Variants in MIR2052HG observed in about 807,000 individuals in gnomAD.
The protein encoded by MIR2052HG is MIR2052 host gene.
At chr8:74,616,752 A>C (rs1563513501) in intron 2 of MIR2052HG, among the ~76,000 whole-genome samples, 1 of 152,116 alleles carries the variant, frequency 6.6e-6, no homozygotes, top group Non-Finnish European at 1.5e-5. Flanking sequence ...ACTCTGTCTT[A>C]AACCTACCTG....
chr8:74,664,142 G>A (rs1398361996), intron 2 of MIR2052HG, among the ~76,000 whole-genome samples: 1 of 146,216 alleles, frequency 6.8e-6, no homozygotes, highest in African/African-American at 2.5e-5. Flanking sequence ...TGGGAAGGCG[G>A]TGTGTGATAA....
intron 2 of MIR2052HG, among the ~76,000 whole-genome samples, chr8:74,647,810 A>G (rs1376445673): frequency 6.6e-6 from 1 of 152,202 alleles, no homozygotes; most frequent in Non-Finnish European, 1.5e-5. Context: ...GCCTGTCTTT[A>G]CTGCAATCTC....
At chr8:74,690,016 A>G (rs1468934280) in intron 2 of MIR2052HG, among the ~76,000 whole-genome samples, 1 of 152,224 alleles carries the variant, frequency 6.6e-6, no homozygotes, top group Non-Finnish European at 1.5e-5. Context: ...AATGAAGAAG[A>G]GCACCAGAAA....
chr8:74,607,481 G>A (rs1237274948), intron 1 of MIR2052HG, among the ~76,000 whole-genome samples: 3 of 151,980 alleles, frequency 2.0e-5, no homozygotes, highest in Admixed American at 6.6e-5. Context: ...GCGTGGTGGT[G>A]GGTGCCTGTA....
intron 5 of MIR2052HG, among the ~76,000 whole-genome samples, chr8:74,754,487 A>G (rs1809979379): frequency 6.6e-6 from 1 of 152,200 alleles, no homozygotes; most frequent in African/African-American, 2.4e-5. Flanking sequence ...ACTTGGAGCT[A>G]TGAGTGTAGA....
At chr8:74,600,171 C>T (rs1290449686) in intron 1 of MIR2052HG, among the ~76,000 whole-genome samples, 1 of 152,182 alleles carries the variant, frequency 6.6e-6, no homozygotes, top group Non-Finnish European at 1.5e-5. Flanking sequence ...GTTGGAAATG[C>T]AGAAATCACC....
intron 2 of MIR2052HG, among the ~76,000 whole-genome samples, chr8:74,649,559 A>G (rs1039022247): frequency 1.3e-5 from 2 of 152,244 alleles, no homozygotes; most frequent in Admixed American, 1.3e-4. Context: ...ATAAAAGTTT[A>G]TTGTTCTTAG....
intron 4 of MIR2052HG, among the ~76,000 whole-genome samples, chr8:74,708,452 A>G (rs1287352338): frequency 6.6e-6 from 1 of 152,096 alleles, no homozygotes; most frequent in African/African-American, 2.4e-5. Flanking sequence ...TTGGAAGAAG[A>G]TGGGGCTTCT....
Position 74,704,247 on chromosome 8 carries a change from A to G in MIR2052HG, n.371+565A>G, listed in dbSNP as rs955537636. ...TAAGAGACAAATATTTTCTTTCTAT[A>G]CTTCTTGGCAATGAGAGCATTGGCA... On this transcript the variant is annotated intron_variant and non_coding_transcript_variant, in intron 4 of 6. Transcript: ENST00000523442. 3.3e-5 allele frequency among the ~76,000 whole-genome samples: 5 copies of G among 151,924 alleles called. No individual in the cohort carries two copies. The South Asian group carries it at 1.0e-3, about 32-fold the overall frequency.
At chr8:74,734,437 G>GA (rs1809726483) in intron 4 of MIR2052HG, among the ~76,000 whole-genome samples, 1 of 152,188 alleles carries the variant, frequency 6.6e-6, no homozygotes. Flanking sequence ...TGAGGAGGCT[G>GA]TAATATCCAC....
intron 2 of MIR2052HG, among the ~76,000 whole-genome samples, chr8:74,631,701 T>C (rs1377212348): frequency 1.3e-5 from 2 of 152,204 alleles, no homozygotes; most frequent in Non-Finnish European, 2.9e-5. Context: ...GGGTAATTTA[T>C]CAATGACAGA....
At chr8:74,637,035 A>T (rs957147149) in intron 2 of MIR2052HG, among the ~76,000 whole-genome samples, 1 of 152,158 alleles carries the variant, frequency 6.6e-6, no homozygotes, top group Non-Finnish European at 1.5e-5. Context: ...GCACATCAAA[A>T]GCAAATATAA....
At chr8:74,697,643 T>G (rs1212089529) in intron 2 of MIR2052HG, among the ~76,000 whole-genome samples, 1 of 152,076 alleles carries the variant, frequency 6.6e-6, no homozygotes, top group African/African-American at 2.4e-5. Flanking sequence ...AAATACAAAA[T>G]TAATGTACAC....
rs560146891 is a variant in MIR2052HG at position 74,715,968 on chromosome 8, C to T, written n.371+12286C>T. ...TTCTAAATGCTGCTGTCTTAGCCTA[C>T]GTCCCTCCAGAAATAGACCCTGAAT... On this transcript the variant is annotated intron_variant and non_coding_transcript_variant, in intron 4 of 6. Transcript: ENST00000523442. 7.2e-5 allele frequency among the ~76,000 whole-genome samples: 11 copies of T among 152,300 alleles called. No homozygotes were observed. In the South Asian group the frequency reaches 8.3e-4, roughly 11 times the overall value.
At chr8:74,740,677 A>G (rs1809816253) in intron 4 of MIR2052HG, among the ~76,000 whole-genome samples, 1 of 152,196 alleles carries the variant, frequency 6.6e-6, no homozygotes, top group Non-Finnish European at 1.5e-5. Flanking sequence ...CTTATTAAGT[A>G]CATGATATTG....
chr8:74,679,251 C>T (rs1406996100), intron 2 of MIR2052HG, among the ~76,000 whole-genome samples: 2 of 152,060 alleles, frequency 1.3e-5, no homozygotes, highest in Non-Finnish European at 2.9e-5. Flanking sequence ...CTCTATCCTA[C>T]CTTTCCCCTT....
At chr8:74,611,268 C>A (rs1808190587) in intron 1 of MIR2052HG, among the ~76,000 whole-genome samples, 1 of 151,948 alleles carries the variant, frequency 6.6e-6, no homozygotes, top group Admixed American at 6.6e-5. Context: ...CCATGAGATA[C>A]CATTGCACAC....
chr8:74,601,999 G>A (rs1426040924), intron 1 of MIR2052HG, among the ~76,000 whole-genome samples: 1 of 152,170 alleles, frequency 6.6e-6, no homozygotes, highest in African/African-American at 2.4e-5. Context: ...ATTGTCAAAA[G>A]TGTTCAATCC....
intron 4 of MIR2052HG, among the ~76,000 whole-genome samples, chr8:74,727,831 T>G (rs1047732826): frequency 5.9e-5 from 9 of 152,230 alleles, no homozygotes; most frequent in Non-Finnish European, 1.3e-4. Flanking sequence ...GTGGTGACAC[T>G]TGTTGGCTTT....
Sources: allele counts gnomAD v4.1 joint callset (sites outside exome capture counted in the v4.1 genomes callset), GRCh38; gene constraint gnomAD v4.1.1; transcripts MANE v1.5; gene names NCBI Gene and HGNC (gene_info 2026-07-23, HGNC 2026-07-21).